MZT2B: variants seen among roughly 807,000 people sequenced by gnomAD.
The protein encoded by MZT2B is mitotic-spindle organizing protein 2B.
MZT2B carries 11 observed loss-of-function variants against 12.1 expected under a neutral mutation model. The observed-to-expected ratio is 0.91, with a 90% CI of 0.57 to 1.50. The LOEUF (loss-of-function observed/expected upper bound fraction) is 1.50, where lower values mean the gene tolerates loss of function less well. Ranked by LOEUF, MZT2B falls within the 40% of genes most tolerant of loss-of-function variation. The pLI, the probability that MZT2B is intolerant of heterozygous loss-of-function variation, is 0.00. For synonymous variants in MZT2B, 85 were observed against 109.5 expected, an observed-to-expected ratio of 0.78 and a Z score of 1.40; for missense variants, 209 against 227.7, an observed-to-expected ratio of 0.92 and a Z score of 0.53.
chr2:130,202,455 C>T, the MZT2B span: 3 of 1,278,078 alleles, frequency 2.3e-6, no homozygotes, highest in African/African-American at 1.5e-5. Context: ...CAGTTTGGTT[C>T]TGGGTGAGAA....
At chr2:130,203,195 C>T in the MZT2B span, among the ~76,000 whole-genome samples, 1 of 152,098 alleles carries the variant, frequency 6.6e-6, no homozygotes, top group Non-Finnish European at 1.5e-5. Context: ...GATCTGTCCT[C>T]TAAAATGGGG....
downstream of MZT2B, chr2:130,194,269 G>A (rs1236107524): frequency 7.1e-6 from 11 of 1,544,412 alleles, 2 homozygotes; most frequent in Admixed American, 1.7e-5. Flanking sequence ...GGGTCGTGTG[G>A]GTGGTTAGGA....
chr2:130,200,899 C>T, the MZT2B span, among the ~76,000 whole-genome samples: 2 of 152,332 alleles, frequency 1.3e-5, no homozygotes, highest in African/African-American at 4.8e-5. Context: ...TTGAGTCTTC[C>T]ATCCCTAAAG....
At chr2:130,204,623 G>A in the MZT2B span, among the ~76,000 whole-genome samples, 6 of 151,098 alleles carry the variant, frequency 4.0e-5, no homozygotes, top group East Asian at 2.0e-4. Context: ...CCTGGGAGGC[G>A]GAGGTTGCAG....
chr2:130,182,189 G>C (rs1053439538), upstream of MZT2B: 5 of 1,259,376 alleles, frequency 4.0e-6, no homozygotes, highest in Admixed American at 1.6e-4. Context: ...GGGCAGCCCG[G>C]GAGGCCAGAC....
upstream of MZT2B, chr2:130,181,990 A>T (rs899582755): frequency 1.1e-4 from 145 of 1,376,420 alleles, no homozygotes; most frequent in Middle Eastern, 5.7e-4. Flanking sequence ...GGGTGCTGCC[A>T]CCTAAGCGAG....
chr2:130,202,273 G>A, the MZT2B span: 150 of 1,268,016 alleles, frequency 1.2e-4, 1 homozygote, highest in Non-Finnish European at 1.4e-4. Flanking sequence ...ACATATAGTT[G>A]CTACACAGAA....
the MZT2B span, among the ~76,000 whole-genome samples, chr2:130,196,868 C>T: frequency 1.3e-5 from 2 of 152,164 alleles, no homozygotes; most frequent in Admixed American, 6.5e-5. Context: ...TCTGTGCTCT[C>T]GAAGGCTGAC....
rs909173896 is a variant in MZT2B, at chr2:130,184,309, A to G, written c.319+1534A>G. The G allele has an allele frequency of 3.0e-6, 3 of 985,302 alleles. No individual in the cohort carries two copies. The African/African-American group carries it at 5.2e-5, about 17-fold the overall frequency. The allele number at this position is 985,302 out of a possible 1,614,324, so 61.0% of individuals were successfully genotyped here. A position where few individuals can be genotyped will look rare whatever the true frequency, so the allele number is the denominator to read the frequency against. On this transcript the variant is annotated intron_variant, in intron 2 of 2. Coordinates refer to ENST00000281871, the MANE Select transcript of MZT2B (RefSeq NM_025029.5). ...GGAGAGCACAGCCCCAGGCGTGACA[A>G]ACACCTCGGCCTCTTAGAAGTTGTC...
chr2:130,199,418 CAT>C, the MZT2B span, among the ~76,000 whole-genome samples: 1 of 118,662 alleles, frequency 8.4e-6, no homozygotes, highest in Non-Finnish European at 1.8e-5. Context: ...GGCATGGTGG[CAT>C]GCGCCTGTAA....
At chr2:130,204,763 T>A in the MZT2B span, among the ~76,000 whole-genome samples, 8 of 151,920 alleles carry the variant, frequency 5.3e-5, no homozygotes, top group African/African-American at 1.9e-4. Flanking sequence ...TGGACTTTTG[T>A]ATGACCTTAA....
upstream of MZT2B, chr2:130,181,909 G>A (rs1221915178): frequency 1.3e-6 from 2 of 1,490,366 alleles, no homozygotes; most frequent in Non-Finnish European, 1.8e-6. Flanking sequence ...GCACCGGTGC[G>A]GACCAGAAAA....
the MZT2B span, among the ~76,000 whole-genome samples, chr2:130,201,437 C>A: frequency 6.6e-6 from 1 of 152,220 alleles, no homozygotes; most frequent in Non-Finnish European, 1.5e-5. Flanking sequence ...GGGGAGGTAG[C>A]ATCCAAGCGC....
the MZT2B span, among the ~76,000 whole-genome samples, chr2:130,200,677 C>A: frequency 1.3e-5 from 2 of 152,216 alleles, no homozygotes; most frequent in African/African-American, 4.8e-5. Flanking sequence ...GGGGAAGGCA[C>A]ACCCCTGTCC....
the MZT2B span, chr2:130,198,450 C>A: frequency 2.3e-6 from 3 of 1,321,984 alleles, no homozygotes; most frequent in African/African-American, 4.7e-5. Context: ...GACCTGCCCA[C>A]GCGCGCCGCA....
At chr2:130,182,087 G>A (rs2104951251), upstream of MZT2B, 1 of 1,349,546 alleles carries the variant, frequency 7.4e-7, no homozygotes, top group Admixed American at 3.2e-5. Flanking sequence ...CTCCTAGAGC[G>A]CCGCTCAGCA....
chr2:130,195,425 C>A (rs555284685), downstream of MZT2B, among the ~76,000 whole-genome samples: 2 of 152,232 alleles, frequency 1.3e-5, no homozygotes, highest in Admixed American at 6.5e-5. Context: ...TATGACTCTA[C>A]GACGTTAAAC....
chr2:130,182,210 C>A (rs1689720006), upstream of MZT2B: 1 of 1,240,956 alleles, frequency 8.1e-7, no homozygotes, highest in Admixed American at 4.2e-5. Flanking sequence ...GTTGACGCTG[C>A]AGGGAGAGGG....
At chr2:130,200,893 G>T in the MZT2B span, among the ~76,000 whole-genome samples, 18,407 of 142,536 alleles carry the variant, frequency 0.13, 214 homozygotes, top group African/African-American at 0.34. Flanking sequence ...CCCAGTTTGA[G>T]TCTTCCATCC....
Sources: allele counts gnomAD v4.1 joint callset (sites outside exome capture counted in the v4.1 genomes callset), GRCh38; gene constraint gnomAD v4.1.1; transcripts MANE v1.5; gene names NCBI Gene and HGNC (gene_info 2026-07-23, HGNC 2026-07-21).